PAX6: variants seen among roughly 807,000 people sequenced by gnomAD.
PAX6 encodes the protein paired box 6.
PAX6 carries 7 observed loss-of-function variants against 60.7 expected under a neutral mutation model. The ratio of observed to expected loss-of-function variants is 0.12; its 90% CI spans 0.07 to 0.22. PAX6 has a LOEUF of 0.22. Among genes scored for constraint, PAX6 ranks in the 10% least tolerant of loss-of-function variants. The pLI is 1.00. For missense variants in PAX6, 355 were observed against 555.2 expected (o/e 0.64, Z 3.62); for synonymous variants, 208 against 201.2 (o/e 1.03, Z -0.29).
chr11:31,793,011 C>A (rs1295664690), intron 12 of PAX6: 6 of 521,260 alleles, frequency 1.2e-5, no homozygotes, highest in South Asian at 4.7e-5. Context: ...CAAAGTAATG[C>A]CCCAAATGCG....
upstream of PAX6, among the ~76,000 whole-genome samples, chr11:31,815,302 A>G (rs1034823423): frequency 6.6e-6 from 1 of 152,074 alleles, no homozygotes; most frequent in African/African-American, 2.4e-5. Context: ...CGATCCCCCC[A>G]TCTCTCTTTT....
At chr11:31,794,937 A>G in intron 8 of PAX6, 149 bp from the exon 9 acceptor site, 1 of 739,892 alleles carries the variant, frequency 1.4e-6, no homozygotes. Context: ...TTCTTTTAAA[A>G]AAATACATTT....
rs200391530 is a variant in PAX6, at chr11:31,789,577, TAA to T, written c.*355_*356del. ...AGCTTGTTGATCATGGTTTTCTTTT[TAA>T]AAAAAAAAAAAACAACTTCATGACC... is the stretch of plus-strand genomic sequence containing the variant. On this transcript the variant is annotated 3_prime_UTR_variant, in exon 14 of 14. Coordinates refer to ENST00000640368, the MANE Select transcript of PAX6 (RefSeq NM_001368894.2). 3.0e-4 allele frequency: 147 copies of T among 491,686 alleles called. No homozygotes were observed. The highest frequency in any genetic ancestry group is 6.7e-4 in the South Asian group (25 of 37,200). 30.5% of individuals were successfully genotyped at this position (491,686 alleles called of 1,614,324 possible).
chr11:31,791,476 G>C (rs1362453639), intron 12 of PAX6: 1 of 160,758 alleles, frequency 6.2e-6, no homozygotes, highest in Non-Finnish European at 1.4e-5. Context: ...CAAAAGCCCA[G>C]ACTGACTTAT....
intron 12 of PAX6, 70 bp downstream of exon 12, chr11:31,793,368 C>A: frequency 7.5e-7 from 1 of 1,324,652 alleles, no homozygotes. Context: ...CCAATGAGGT[C>A]CGCAGGCCCT....
chr11:31,807,863 T>C (rs1956202593), intron 2 of PAX6: 1 of 148,630 alleles, frequency 6.7e-6, no homozygotes, highest in Non-Finnish European at 1.5e-5. Context: ...AGTGCAGGGG[T>C]CCCCGAGGCT....
rs1341091277 is a variant in PAX6 at position 31,800,867 on chromosome 11, A to T, written c.400-11T>A. ...GTTTATTGATGACACCTGCAAATCA[A>T]ACCAAAATCAAACCAAATGGTAGTG... On this transcript the variant is annotated splice_polypyrimidine_tract_variant and intron_variant, in intron 7 of 13. Coordinates refer to ENST00000640368, the MANE Select transcript of PAX6 (RefSeq NM_001368894.2). 1 of 1,612,694 alleles carries T rather than the reference A, an allele frequency of 6.2e-7. No homozygotes were observed. The highest frequency in any genetic ancestry group is 1.3e-5 in the African/African-American group (1 of 74,832).
At chr11:31,813,682 C>T (rs1045129332), upstream of PAX6, among the ~76,000 whole-genome samples, 2 of 152,128 alleles carry the variant, frequency 1.3e-5, no homozygotes, top group Non-Finnish European at 2.9e-5. Flanking sequence ...CCGGGAAAGA[C>T]TCCTGGAAAC....
Position 31,794,709 on chromosome 11 carries a change from T to A in PAX6, c.645A>T (p.Gln215His). 2.5e-6 allele frequency: 4 copies of A among 1,614,204 alleles called. No homozygotes were observed. The highest frequency in any genetic ancestry group is 3.4e-6 in the Non-Finnish European group (4 of 1,180,022). The change falls in exon 9 of 14, where the codon CAA (glutamine) becomes CAT (histidine). Residue 215 changes from glutamine to histidine, a missense_variant. Gln to His is a conservative substitution (Grantham distance 24). Transcript: ENST00000640368. Reference sequence around the variant, plus strand: ...GCTTCCGCTTCAGCTGAAGTCGCATTTGAGCCTCATCTGAATCTTCTCCGT... The same window carrying A: ...GCTTCCGCTTCAGCTGAAGTCGCATATGAGCCTCATCTGAATCTTCTCCGT... ...SSNGEDSDEA[Q>H]MRLQLKRKLQ... is the part of the protein sequence containing the mutation.
In PAX6 at chr11:31,793,487, G is replaced by A; in HGVS notation, c.1025C>T (p.Ala342Val). 6.2e-7 allele frequency: 1 copy of A among 1,614,260 alleles called. No homozygotes were observed. Among genetic ancestry groups the A allele is most frequent in the Non-Finnish European group, 8.5e-7 (1 of 1,180,044 alleles). Reference protein sequence around the residue: ...TDTALTNTYSALPPMPSFTMA... With the variant: ...TDTALTNTYSVLPPMPSFTMA... ...GGTGAAGCTGGGCATAGGCGGCAGAGCGCTGTAGGTGTTTGTGAGGGCTGT... is the reference window on the plus strand; with the variant it reads ...GGTGAAGCTGGGCATAGGCGGCAGAACGCTGTAGGTGTTTGTGAGGGCTGT... Residue 342 changes from alanine (A) to valine (V), a missense_variant, in exon 12 of 14, where the codon GCT becomes GTT. Transcript: ENST00000640368.
chr11:31,815,702 C>A (rs1957345571), upstream of PAX6, among the ~76,000 whole-genome samples: 1 of 149,586 alleles, frequency 6.7e-6, no homozygotes, highest in African/African-American at 2.5e-5. Flanking sequence ...GTTTTATTAG[C>A]GACAGGAGAA....
At chr11:31,817,587 C>G (rs1337839753) in intron 1 of PAX6, among the ~76,000 whole-genome samples, 1 of 152,262 alleles carries the variant, frequency 6.6e-6, no homozygotes, top group African/African-American at 2.4e-5. Context: ...CATTTTGCTA[C>G]TTTTGCAGAA....
At chr11:31,814,235 C>A (rs1009862329), upstream of PAX6, 3 of 152,246 alleles carry the variant, frequency 2.0e-5, no homozygotes, top group African/African-American at 7.2e-5. Flanking sequence ...GGGCTGTCTG[C>A]GTGGAGGGAG....
At chr11:31,797,620 C>G (rs568518707) in intron 8 of PAX6, among the ~76,000 whole-genome samples, 1 of 151,916 alleles carries the variant, frequency 6.6e-6, no homozygotes, top group South Asian at 2.1e-4. Context: ...GGCACGGAGA[C>G]AGTTCATTAC....
intron 8 of PAX6, among the ~76,000 whole-genome samples, chr11:31,799,599 T>G (rs1328428509): frequency 6.6e-6 from 1 of 152,156 alleles, no homozygotes; most frequent in Non-Finnish European, 1.5e-5. Context: ...CATAACAAAT[T>G]CTTGCGAGTG....
chr11:31,801,457 G>A, intron 7 of PAX6, 104 bp downstream of exon 7: 1 of 1,591,672 alleles, frequency 6.3e-7, no homozygotes, highest in Non-Finnish European at 8.6e-7. Context: ...GGAGCAGGGA[G>A]AGGACACAGA....
chr11:31,806,149 C>T (rs1592606534), intron 4 of PAX6: 4 of 489,898 alleles, frequency 8.2e-6, no homozygotes, highest in East Asian at 6.9e-5. Context: ...GTTTCTCTAC[C>T]GCAGCTTCGA....
In PAX6 at chr11:31,811,295, C is replaced by T; in HGVS notation, c.-497G>A. The T allele has an allele frequency of 2.5e-6, 1 of 398,728 alleles. No individual in the cohort carries two copies. The highest frequency in any genetic ancestry group is 4.4e-6 in the Non-Finnish European group (1 of 226,118). 24.7% of individuals were successfully genotyped at this position (398,728 alleles called of 1,614,324 possible). A position where few individuals can be genotyped will look rare whatever the true frequency, so the allele number is the denominator to read the frequency against. ...TGAGGCCGAGCCACGGTTCCCTTTT[C>T]AAACCCACTAATCACTCCGCAACAT... On this transcript the variant is annotated 5_prime_UTR_variant, in exon 1 of 14. Transcript: ENST00000640368.
intron 4 of PAX6, chr11:31,804,930 G>C (rs1955313302): frequency 6.6e-6 from 1 of 152,408 alleles, no homozygotes; most frequent in Non-Finnish European, 1.5e-5. Context: ...GCATCGAAAT[G>C]GCAGAGAGAA....
Sources: gnomAD v4.1 joint callset for allele counts (sites outside exome capture counted in the v4.1 genomes callset) on GRCh38, gnomAD v4.1.1 for gene constraint, MANE v1.5 for transcripts, NCBI Gene and HGNC (gene_info 2026-07-23, HGNC 2026-07-21) for gene names.